Variants in PPP1R9A observed in about 807,000 individuals in gnomAD.
The protein encoded by PPP1R9A is protein phosphatase 1 regulatory subunit 9A, also known as neurabin-1.
PPP1R9A carries 59 observed loss-of-function variants against 141.9 expected under a neutral mutation model. The ratio of observed to expected loss-of-function variants is 0.42; its 90% CI spans 0.34 to 0.52. PPP1R9A has a LOEUF of 0.52. PPP1R9A is among the 20% of genes least tolerant of loss of function. PPP1R9A has a pLI of 0.10. For synonymous variants in PPP1R9A, 500 were observed against 569.7 expected (o/e 0.88, Z 1.74); for missense variants, 1,444 against 1,611.9 (o/e 0.90, Z 1.78).
chr7:95,086,666 C>A (rs1465473816), intron 2 of PPP1R9A, among the ~76,000 whole-genome samples: 1 of 151,972 alleles, frequency 6.6e-6, no homozygotes, highest in Non-Finnish European at 1.5e-5. Flanking sequence ...CTAGGCCAAG[C>A]ACTCTTTTGT....
intron 2 of PPP1R9A, among the ~76,000 whole-genome samples, chr7:95,011,850 T>G (rs1190413673): frequency 6.6e-6 from 1 of 152,208 alleles, no homozygotes; most frequent in African/African-American, 2.4e-5. Context: ...GAAATAGGAA[T>G]TTAACATTAT....
chr7:94,978,190 CT>C (rs1445324056), intron 2 of PPP1R9A, among the ~76,000 whole-genome samples: 1 of 152,150 alleles, frequency 6.6e-6, no homozygotes, highest in Non-Finnish European at 1.5e-5. Flanking sequence ...TGGCATAATT[CT>C]CCTAGGCCAT....
rs767450612 is a variant in PPP1R9A at position 95,269,426 on chromosome 7, T to C, written c.3043T>C (p.Ser1015Pro). Residue 1015 changes from serine (S) to proline (P), a missense_variant, in exon 14 of 20, where the codon TCT (serine) becomes CCT (proline). By Grantham distance (74) the Ser-to-Pro change is moderately conservative (BLOSUM62 -1). Transcript: ENST00000433360. Reference sequence around the variant, plus strand: ...TATGTGGGGAGACACTTCACTGTTTTCTACTTCAAAGTCTGATCATGATGT... The same window carrying C: ...TATGTGGGGAGACACTTCACTGTTTCCTACTTCAAAGTCTGATCATGATGT... ...SSMWGDTSLF[S>P]TSKSDHDVEE... 26 of 1,594,492 alleles carry C rather than the reference T, an allele frequency of 1.6e-5. No homozygotes were observed. Among genetic ancestry groups the C allele is most frequent in the South Asian group, 1.1e-5 (1 of 90,774 alleles).
At chr7:95,226,216 C>A in intron 8 of PPP1R9A, 100 bp downstream of exon 8, 4 of 1,232,954 alleles carry the variant, frequency 3.2e-6, no homozygotes, top group Non-Finnish European at 3.2e-6. Context: ...GTTTGCAAAT[C>A]AAAGCTTTTT....
chr7:94,923,068 G>T (rs1793044186), intron 2 of PPP1R9A, among the ~76,000 whole-genome samples: 1 of 152,110 alleles, frequency 6.6e-6, no homozygotes, highest in South Asian at 2.1e-4. Flanking sequence ...ACTTTTGACA[G>T]TTGAATTCAT....
chr7:95,105,563 C>A (rs1314345528), intron 2 of PPP1R9A, among the ~76,000 whole-genome samples: 2 of 152,206 alleles, frequency 1.3e-5, no homozygotes, highest in African/African-American at 4.8e-5. Context: ...GTAGCTTGAA[C>A]TACAAAAATA....
At chr7:95,079,666 T>A (rs990582369) in intron 2 of PPP1R9A, among the ~76,000 whole-genome samples, 9 of 152,130 alleles carry the variant, frequency 5.9e-5, no homozygotes, top group Admixed American at 4.6e-4. Flanking sequence ...ATATCCTTGA[T>A]GAACATTGAT....
At chr7:95,052,281 A>G (rs1810927903) in intron 2 of PPP1R9A, among the ~76,000 whole-genome samples, 1 of 152,230 alleles carries the variant, frequency 6.6e-6, no homozygotes, top group Non-Finnish European at 1.5e-5. Flanking sequence ...GGTAAAAAGC[A>G]AGAATGAGAA....
chr7:95,197,710 G>A (rs141956435), intron 5 of PPP1R9A, among the ~76,000 whole-genome samples: 69 of 152,184 alleles, frequency 4.5e-4, no homozygotes, highest in East Asian at 4.4e-3. Context: ...GTGCAGTGGC[G>A]CGGTCTTGGC....
chr7:94,979,661 T>C (rs1037604571), intron 2 of PPP1R9A, among the ~76,000 whole-genome samples: 7 of 152,204 alleles, frequency 4.6e-5, no homozygotes, highest in Non-Finnish European at 8.8e-5. Flanking sequence ...AGTGTCATTA[T>C]TACCTCTTAA....
chr7:95,195,856 G>A (rs577190879), intron 5 of PPP1R9A, among the ~76,000 whole-genome samples: 1 of 152,204 alleles, frequency 6.6e-6, no homozygotes, highest in Non-Finnish European at 1.5e-5. Flanking sequence ...TTCAAGAACA[G>A]CCTGGGCAAA....
At chr7:95,236,810 C>T (rs1306415606) in intron 8 of PPP1R9A, among the ~76,000 whole-genome samples, 1 of 151,504 alleles carries the variant, frequency 6.6e-6, no homozygotes, top group Non-Finnish European at 1.5e-5. Flanking sequence ...GACACCTGTA[C>T]TGATTTTTTT....
intron 2 of PPP1R9A, among the ~76,000 whole-genome samples, chr7:95,001,302 AAAC>A (rs1428440566): frequency 2.0e-5 from 3 of 152,232 alleles, no homozygotes; most frequent in African/African-American, 4.8e-5. Context: ...ACAAACAAAC[AAAC>A]AACAATAGCA....
chr7:95,035,160 G>A (rs561946870), intron 2 of PPP1R9A, among the ~76,000 whole-genome samples: 100 of 152,202 alleles, frequency 6.6e-4, no homozygotes, highest in African/African-American at 2.2e-3. Flanking sequence ...TTTATTAGGC[G>A]TAAAAGAGGG....
At chr7:95,143,107 A>G (rs1335123575) in intron 4 of PPP1R9A, among the ~76,000 whole-genome samples, 1 of 152,144 alleles carries the variant, frequency 6.6e-6, no homozygotes, top group Non-Finnish European at 1.5e-5. Context: ...GATTTAGCAC[A>G]TTAGGGTTAG....
intron 2 of PPP1R9A, among the ~76,000 whole-genome samples, chr7:94,914,776 C>A (rs566665632): frequency 2.8e-4 from 42 of 152,224 alleles, no homozygotes; most frequent in Non-Finnish European, 5.6e-4. Flanking sequence ...TATGGAGCCC[C>A]TAATATGTGT....
chr7:95,240,242 G>T (rs1797253780), intron 8 of PPP1R9A, among the ~76,000 whole-genome samples: 1 of 152,014 alleles, frequency 6.6e-6, no homozygotes. Flanking sequence ...CATAAAGCTT[G>T]CATTTGGATG....
At position 95,269,201 on chromosome 7, in the gene PPP1R9A, C is replaced by T; in HGVS notation, c.2824-6C>T. On this transcript the variant is annotated splice_polypyrimidine_tract_variant and splice_region_variant and intron_variant, in intron 13 of 19. Transcript: ENST00000433360. ...TAACCTTCCTTATAATCTCTTATAC[C>T]AACAGCCATCAAACAGTTTCTATAA... 1 of 1,517,894 alleles carries T rather than the reference C, an allele frequency of 6.6e-7. No homozygotes were observed. Among genetic ancestry groups the T allele is most frequent in the Non-Finnish European group, 9.0e-7 (1 of 1,109,556 alleles). 94.0% of individuals were successfully genotyped at this position (1,517,894 alleles called of 1,614,324 possible).
chr7:95,061,308 G>A (rs190199061), intron 2 of PPP1R9A, among the ~76,000 whole-genome samples: 27 of 152,326 alleles, frequency 1.8e-4, no homozygotes, highest in African/African-American at 6.3e-4. Flanking sequence ...CTATAAAAAT[G>A]TTAAGTGAAT....
Sources: gnomAD v4.1 joint callset for allele counts (sites outside exome capture counted in the v4.1 genomes callset) on GRCh38, gnomAD v4.1.1 for gene constraint, MANE v1.5 for transcripts, NCBI Gene and HGNC (gene_info 2026-07-23, HGNC 2026-07-21) for gene names.